The following WDR7 variants were observed in gnomAD, a reference collection of about 807,000 sequenced individuals.
WDR7 encodes the protein WD repeat domain 7, also known as WD repeat-containing protein 7.
A neutral mutation model predicts 169.4 loss-of-function variants in WDR7; 46 were observed. The ratio of observed to expected loss-of-function variants is 0.27; its 90% CI spans 0.21 to 0.35. The LOEUF is 0.35. WDR7 is among the 10% of genes least tolerant of loss of function. WDR7 has a pLI of 1.00. For missense variants in WDR7, 1,534 were observed against 1,859.3 expected, an observed-to-expected ratio of 0.83 and a Z score of 3.22; for synonymous variants, 612 against 666.8, an observed-to-expected ratio of 0.92 and a Z score of 1.27.
intron 25 of WDR7, among the ~76,000 whole-genome samples, chr18:56,957,706 G>A (rs1304395381): frequency 6.6e-6 from 1 of 152,118 alleles, no homozygotes; most frequent in Non-Finnish European, 1.5e-5. Context: ...AGTAGTAGTT[G>A]TGGTATTATT....
intron 24 of WDR7, 103 bp downstream of exon 24, chr18:56,938,785 TG>T: frequency 7.5e-7 from 1 of 1,338,130 alleles, no homozygotes. Context: ...CTAAAAGAGA[TG>T]AAGGGTGAGA....
intron 22 of WDR7, 53 bp from the exon 23 acceptor site, chr18:56,935,735 C>G (rs762319054): frequency 2.9e-5 from 44 of 1,523,410 alleles, no homozygotes; most frequent in Non-Finnish European, 3.7e-5. Flanking sequence ...TCTTTTCAGT[C>G]CATATTTCTA....
chr18:56,859,401 A>G (rs1352071739), intron 20 of WDR7, among the ~76,000 whole-genome samples: 1 of 152,136 alleles, frequency 6.6e-6, no homozygotes, highest in Non-Finnish European at 1.5e-5. Flanking sequence ...CTCCCTAGCC[A>G]CAAGACTGGG....
chr18:56,907,294 G>T (rs2046491625), intron 21 of WDR7, among the ~76,000 whole-genome samples: 1 of 143,730 alleles, frequency 7.0e-6, no homozygotes, highest in Admixed American at 7.2e-5. Context: ...CAGAGAGTAT[G>T]TTAAGCATTG....
At chr18:56,704,381 G>GAAA (rs11407784) in intron 12 of WDR7, among the ~76,000 whole-genome samples, 2 of 145,336 alleles carry the variant, frequency 1.4e-5, no homozygotes, top group Non-Finnish European at 1.5e-5. Context: ...TATCAAAAAA[G>GAAA]AAAAAAAAAA....
At chr18:56,712,688 G>T (rs2026111456) in intron 12 of WDR7, among the ~76,000 whole-genome samples, 1 of 152,140 alleles carries the variant, frequency 6.6e-6, no homozygotes, top group Non-Finnish European at 1.5e-5. Flanking sequence ...TATCTAAGTT[G>T]ATAGAATACT....
rs192580667 is a variant in WDR7, at chr18:56,926,168, G to A, written c.3713+2060G>A. 8.3e-4 allele frequency among the ~76,000 whole-genome samples: 127 copies of A among 152,268 alleles called. 1 individual carries two copies. The highest frequency in any genetic ancestry group is 1.5e-3 in the Non-Finnish European group (101 of 68,024). ...TACAGGAGGCCTGAAGATTCTCAATGGGACTTGAAGGATTAGGAGGCAATT... is the reference window on the plus strand; with the variant it reads ...TACAGGAGGCCTGAAGATTCTCAATAGGACTTGAAGGATTAGGAGGCAATT... On this transcript the variant is annotated intron_variant, in intron 22 of 27. Transcript: ENST00000254442.
At chr18:56,935,483 C>T (rs1009343593) in intron 22 of WDR7, among the ~76,000 whole-genome samples, 1 of 152,128 alleles carries the variant, frequency 6.6e-6, no homozygotes, top group African/African-American at 2.4e-5. Context: ...TTCGTTCTTA[C>T]CTCATTCTGA....
chr18:56,891,480 G>C (rs988250993), intron 21 of WDR7, among the ~76,000 whole-genome samples: 1 of 152,046 alleles, frequency 6.6e-6, no homozygotes, highest in Admixed American at 6.6e-5. Flanking sequence ...ATAAATGTTA[G>C]TTTCTGTTGT....
At chr18:56,873,428 C>T (rs2045980017) in intron 20 of WDR7, 1 of 152,170 alleles carries the variant, frequency 6.6e-6, no homozygotes, top group African/African-American at 2.4e-5. Context: ...AGTCTTAATT[C>T]CTTCCCCTGG....
chr18:56,750,061 A>G (rs986915630), intron 14 of WDR7, among the ~76,000 whole-genome samples: 2 of 151,886 alleles, frequency 1.3e-5, no homozygotes, highest in Admixed American at 6.6e-5. Flanking sequence ...AAAAATATCC[A>G]TGCTTGAATA....
chr18:56,713,960 T>A lies in WDR7; in HGVS notation c.1579-4004T>A, dbSNP rs184679765. Among the ~76,000 whole-genome samples, 870 of 152,366 alleles carry A rather than the reference T, an allele frequency of 5.7e-3. 4 individuals are homozygous for A. Among genetic ancestry groups the A allele is most frequent in the Middle Eastern group, 0.01 (3 of 294 alleles). ...CAGAAAGCTGAGAATTATTTATTAT[T>A]ACTCTGTTCATTGTTTAAAATTAAT... On this transcript the variant is annotated intron_variant, in intron 12 of 27. Transcript: ENST00000254442.
intron 13 of WDR7, among the ~76,000 whole-genome samples, chr18:56,726,366 A>G (rs911833298): frequency 1.3e-5 from 2 of 152,156 alleles, no homozygotes; most frequent in Non-Finnish European, 2.9e-5. Flanking sequence ...GAGGTCCTTC[A>G]TATCCCTTGT....
At chr18:57,026,031 T>C (rs933457435) in intron 27 of WDR7, among the ~76,000 whole-genome samples, 1 of 152,228 alleles carries the variant, frequency 6.6e-6, no homozygotes, top group Non-Finnish European at 1.5e-5. Context: ...AAGGCTTCTT[T>C]CCAGATTTTC....
intron 21 of WDR7, among the ~76,000 whole-genome samples, chr18:56,900,385 G>A (rs1354664631): frequency 3.3e-5 from 5 of 152,006 alleles, no homozygotes. Context: ...GGGAGATGGA[G>A]AGGAAGGGAG....
chr18:56,744,442 G>C (rs2144872129), intron 14 of WDR7, among the ~76,000 whole-genome samples: 1 of 152,130 alleles, frequency 6.6e-6, no homozygotes, highest in Middle Eastern at 3.4e-3. Flanking sequence ...GAGTGGTAGA[G>C]ATTAGGGAAG....
chr18:56,812,194 G>A (rs1475491257), intron 19 of WDR7, among the ~76,000 whole-genome samples: 1 of 152,068 alleles, frequency 6.6e-6, no homozygotes, highest in East Asian at 1.9e-4. Flanking sequence ...TGGTTTTTCA[G>A]ATTTACATCT....
intron 16 of WDR7, among the ~76,000 whole-genome samples, chr18:56,763,472 A>G (rs374134310): frequency 6.6e-6 from 1 of 152,190 alleles, no homozygotes; most frequent in East Asian, 1.9e-4. Flanking sequence ...TACCAATTTT[A>G]TAGTTTGTTA....
intron 20 of WDR7, among the ~76,000 whole-genome samples, chr18:56,826,991 A>G (rs149367822): frequency 1.1e-3 from 175 of 152,344 alleles, no homozygotes; most frequent in Middle Eastern, 6.8e-3. Flanking sequence ...ATATATGTGC[A>G]TATTCTCTGT....
Sources: allele counts gnomAD v4.1 joint callset (sites outside exome capture counted in the v4.1 genomes callset), GRCh38; gene constraint gnomAD v4.1.1; transcripts MANE v1.5; gene names NCBI Gene and HGNC (gene_info 2026-07-23, HGNC 2026-07-21).